The following CACNA1C variants were observed in gnomAD, a reference collection of about 807,000 sequenced individuals.
The protein encoded by CACNA1C is calcium voltage-gated channel subunit alpha1 C, also known as voltage-dependent L-type calcium channel subunit alpha-1C.
Under a neutral mutation model 229.0 loss-of-function variants are expected in CACNA1C, and 30 were observed. The ratio of observed to expected loss-of-function variants is 0.13; its 90% CI spans 0.10 to 0.18. The LOEUF is 0.18. Ranked by LOEUF, CACNA1C falls within the 10% of genes least tolerant of loss-of-function variation. The probability of loss-of-function intolerance (pLI) is 1.00; values close to 1 mark genes in which losing one functional copy is unlikely to be tolerated. For synonymous variants in CACNA1C, 1,114 were observed against 1,132.5 expected (o/e 0.98, Z 0.33); for missense variants, 1,658 against 2,845.0 (o/e 0.58, Z 9.49).
intron 9 of CACNA1C, among the ~76,000 whole-genome samples, chr12:2,545,472 G>A (rs953447901): frequency 5.9e-5 from 9 of 152,038 alleles, no homozygotes; most frequent in Non-Finnish European, 1.3e-4. Context: ...AACCACCACT[G>A]TGCCGTACGT....
At chr12:2,442,625 T>G (rs1030798426) in intron 3 of CACNA1C, among the ~76,000 whole-genome samples, 3 of 152,144 alleles carry the variant, frequency 2.0e-5, no homozygotes, top group Non-Finnish European at 2.9e-5. Flanking sequence ...TATAAAGAAC[T>G]GCCTGAGACT....
intron 3 of CACNA1C, among the ~76,000 whole-genome samples, chr12:2,378,593 T>C (rs920521061): frequency 1.3e-5 from 2 of 152,098 alleles, no homozygotes; most frequent in African/African-American, 4.8e-5. Flanking sequence ...TTAAAAACAA[T>C]CATAAAATTC....
intron 5 of CACNA1C, among the ~76,000 whole-genome samples, chr12:2,460,515 A>T (rs2099493076): frequency 6.6e-6 from 1 of 152,198 alleles, no homozygotes; most frequent in African/African-American, 2.4e-5. Context: ...AGGAAGAATT[A>T]GATTAGATCG....
chr12:2,612,167 A>G, intron 29 of CACNA1C, 154 bp downstream of exon 29: 2 of 606,094 alleles, frequency 3.3e-6, no homozygotes, highest in Non-Finnish European at 6.0e-6. Flanking sequence ...CCCAACTCCT[A>G]CACCTGCCCA....
chr12:2,393,399 G>A (rs181773995), intron 3 of CACNA1C, among the ~76,000 whole-genome samples: 74 of 152,316 alleles, frequency 4.9e-4, no homozygotes, highest in Non-Finnish European at 4.0e-4. Context: ...GAAGACTGTG[G>A]CATCCATTAG....
chr12:2,328,747 G>A (rs1002914397), intron 3 of CACNA1C, among the ~76,000 whole-genome samples: 8 of 152,156 alleles, frequency 5.3e-5, no homozygotes, highest in Non-Finnish European at 1.2e-4. Flanking sequence ...GTCTAGATGG[G>A]GGCTTTTACT....
chr12:2,627,752 C>G (rs923908880), intron 29 of CACNA1C, among the ~76,000 whole-genome samples: 2 of 152,126 alleles, frequency 1.3e-5, no homozygotes, highest in African/African-American at 4.8e-5. Context: ...CCCCTGTCTC[C>G]AAGGGCCCTT....
At position 2,665,040 on chromosome 12, in the gene CACNA1C, A is replaced by T; in HGVS notation, c.4398+50A>T. ...CCAGCAGCCATGACTGCCCAGTTCC[A>T]GGGCAGTCTGAACCGTCCATCTCTG... is the stretch of plus-strand genomic sequence containing the variant. On this transcript the variant is annotated intron_variant, in intron 35 of 46. Transcript: ENST00000399655. The surrounding 1 kb of genome is among the most constrained non-coding windows in gnomAD (Gnocchi z 5.9). 6.3e-7 allele frequency: 1 copy of T among 1,584,020 alleles called. No homozygotes were observed. The highest frequency in any genetic ancestry group is 8.7e-7 in the Non-Finnish European group (1 of 1,153,906).
chr12:2,170,135 C>T (rs889504930), intron 3 of CACNA1C, among the ~76,000 whole-genome samples: 1 of 152,212 alleles, frequency 6.6e-6, no homozygotes, highest in Non-Finnish European at 1.5e-5. Flanking sequence ...TCATGTCCAA[C>T]CATGGCCAAC....
chr12:2,635,714 C>A (rs1186298534), intron 30 of CACNA1C, among the ~76,000 whole-genome samples: 3 of 152,142 alleles, frequency 2.0e-5, no homozygotes, highest in Admixed American at 2.0e-4. Flanking sequence ...AGTCTGGTGC[C>A]CCAACCCTGC....
At chr12:2,141,367 G>A (rs527992630) in intron 3 of CACNA1C, among the ~76,000 whole-genome samples, 2 of 151,306 alleles carry the variant, frequency 1.3e-5, no homozygotes, top group African/African-American at 4.8e-5. Flanking sequence ...GTTGCCAGAG[G>A]GCCTGGCCAG....
At chr12:2,356,136 C>T (rs746100935) in intron 3 of CACNA1C, among the ~76,000 whole-genome samples, 2 of 152,352 alleles carry the variant, frequency 1.3e-5, no homozygotes, top group Non-Finnish European at 2.9e-5. Context: ...TTACCTGGTG[C>T]AGTAGCTTAG....
Position 2,648,475 on chromosome 12 carries a change from C to A in CACNA1C, c.3913C>A (p.Pro1305Thr). 6.2e-7 allele frequency: 1 copy of A among 1,613,760 alleles called. No homozygotes were observed. The highest frequency in any genetic ancestry group is 8.5e-7 in the Non-Finnish European group (1 of 1,179,682). The part of the protein sequence containing the change: ...IVDIAITEVN[P>T]AEHTQCSPSM... ...TATCTCTATCTGCCTTTCTTTAAAG[C>A]CAGCTGAACATACCCAATGCTCTCC... Residue 1305 changes from proline to threonine, a missense_variant and splice_region_variant, in exon 31 of 47, where the codon CCA (proline) becomes ACA (threonine). Pro to Thr is a conservative substitution (Grantham distance 38, BLOSUM62 -1). Coordinates refer to ENST00000399655, the MANE Select transcript of CACNA1C (RefSeq NM_000719.7).
intron 29 of CACNA1C, among the ~76,000 whole-genome samples, chr12:2,628,855 C>T (rs191779689): frequency 1.3e-5 from 2 of 152,142 alleles, no homozygotes; most frequent in Non-Finnish European, 2.9e-5. Context: ...CAGAGAGAGA[C>T]CCTGTCTTTA....
At chr12:2,174,226 A>G (rs2239016) in intron 3 of CACNA1C, among the ~76,000 whole-genome samples, 69,496 of 151,742 alleles carry the variant, frequency 0.46, 18,482 homozygotes, top group African/African-American at 0.74. Context: ...AACTCTAGAC[A>G]TCACCAGTGC....
chr12:2,665,807 T>C lies in CACNA1C; in HGVS notation c.4526+99T>C, dbSNP rs1039655419. ...TCAAGGTTGGCCAACACTGGGTGGATCAATTAGAAACACTGGATTGTATCA... is the reference window on the plus strand; with the variant it reads ...TCAAGGTTGGCCAACACTGGGTGGACCAATTAGAAACACTGGATTGTATCA... On this transcript the variant is annotated intron_variant, in intron 36 of 46. Coordinates refer to ENST00000399655, the MANE Select transcript of CACNA1C (RefSeq NM_000719.7). This position sits in a 1 kb window ranked among gnomAD's most constrained non-coding sequence, Gnocchi z 5.9. 1 of 1,208,384 alleles carries C rather than the reference T, an allele frequency of 8.3e-7. No homozygotes were observed. Among genetic ancestry groups the C allele is most frequent in the Non-Finnish European group, 1.1e-6 (1 of 876,138 alleles). The allele number at this position is 1,208,384 out of a possible 1,614,324, so 74.9% of individuals were successfully genotyped here.
intron 3 of CACNA1C, among the ~76,000 whole-genome samples, chr12:2,443,787 C>G (rs2099250902): frequency 6.6e-6 from 1 of 152,236 alleles, no homozygotes; most frequent in Admixed American, 6.5e-5. Flanking sequence ...TCACTCCATT[C>G]ATACTCGCCC....
intron 3 of CACNA1C, among the ~76,000 whole-genome samples, chr12:2,202,858 C>T (rs988304158): frequency 1.3e-5 from 2 of 152,108 alleles, no homozygotes; most frequent in African/African-American, 2.4e-5. Context: ...CTTCAAGCCC[C>T]GGAGATGAAG....
chr12:2,369,340 G>A (rs2097792449), intron 3 of CACNA1C, among the ~76,000 whole-genome samples: 1 of 152,008 alleles, frequency 6.6e-6, no homozygotes, highest in South Asian at 2.1e-4. Context: ...GAAGTTTTAA[G>A]GAAGGTGGGC....
Sources: gnomAD v4.1 joint callset for allele counts (sites outside exome capture counted in the v4.1 genomes callset) on GRCh38, gnomAD v4.1.1 for gene constraint, Gnocchi (gnomAD v3.1) non-coding constraint, MANE v1.5 for transcripts, NCBI Gene and HGNC (gene_info 2026-07-23, HGNC 2026-07-21) for gene names.